The following TMEM230 variants were observed in gnomAD, a reference collection of about 807,000 sequenced individuals.
The protein encoded by TMEM230 is transmembrane protein 230.
A neutral mutation model predicts 15.8 loss-of-function variants in TMEM230; 10 were observed. The ratio of observed to expected loss-of-function variants is 0.63; its 90% CI spans 0.39 to 1.07. The LOEUF (loss-of-function observed/expected upper bound fraction) is 1.07. Ranked by LOEUF, TMEM230 falls within the 50% of genes least tolerant of loss-of-function variation. TMEM230 has a pLI of 0.01. For missense variants in TMEM230, 165 were observed against 193.3 expected, an observed-to-expected ratio of 0.85 and a Z score of 0.87; for synonymous variants, 67 against 76.9, an observed-to-expected ratio of 0.87 and a Z score of 0.68.
At chr20:5,098,064 G>A (rs2089719192), downstream of TMEM230, among the ~76,000 whole-genome samples, 1 of 135,372 alleles carries the variant, frequency 7.4e-6, no homozygotes, top group Admixed American at 9.0e-5. Flanking sequence ...CGCAACCTTA[G>A]CCTGCCGGGT....
At chr20:5,084,050 T>C (rs143809097) in intron 3 of TMEM230, among the ~76,000 whole-genome samples, 264 of 152,240 alleles carry the variant, frequency 1.7e-3, no homozygotes, top group African/African-American at 5.9e-3. Context: ...ACTGTTCCCT[T>C]CTTTGTACCC....
chr20:5,100,102 A>C lies in TMEM230; in HGVS notation c.*689T>G. The C allele has an allele frequency of 1.0e-6, 1 of 985,444 alleles. No homozygotes were observed. The highest frequency in any genetic ancestry group is 1.2e-6 in the Non-Finnish European group (1 of 829,940). The allele number at this position is 985,444 out of a possible 1,614,324, so 61.0% of individuals were successfully genotyped here. A position where few individuals can be genotyped will look rare whatever the true frequency, so the allele number is the denominator to read the frequency against. On this transcript the variant is annotated 3_prime_UTR_variant, in exon 5 of 5. Transcript: ENST00000342308. Reference sequence around the variant, plus strand: ...GAAACAGCCAAAAGTCCGGCCGTTAAAGGAATAATCTGCAGAACATCTTGA... The same window carrying C: ...GAAACAGCCAAAAGTCCGGCCGTTACAGGAATAATCTGCAGAACATCTTGA...
rs774664710 is a variant in TMEM230 at position 5,094,704 on chromosome 20, C to CAA, written c.222+11482_222+11483dup. Among the ~76,000 whole-genome samples the CAA allele has an allele frequency of 6.7e-4, 41 of 61,558 alleles. 2 individuals carry two copies. The South Asian group carries it at 7.1e-3, about 11-fold the overall frequency. The allele number at this position is 61,558 out of a possible 152,430, so 40.4% of individuals were successfully genotyped here. ...CCTGGGACAGAGCTAGACTCCATCT[C>CAA]AAAAAAAAAAAAAAAAAAAAAAAAT... On this transcript the variant is annotated intron_variant, in intron 3 of 3. Coordinates refer to the TMEM230 transcript ENST00000612323.
intron 2 of TMEM230, among the ~76,000 whole-genome samples, chr20:5,110,720 A>G (rs2090278241): frequency 6.6e-6 from 1 of 152,226 alleles, no homozygotes; most frequent in African/African-American, 2.4e-5. Context: ...ATATGGTATA[A>G]TATCTTACAA....
chr20:5,061,590 TG>T, the TMEM230 span, among the ~76,000 whole-genome samples: 3 of 152,252 alleles, frequency 2.0e-5, no homozygotes, highest in African/African-American at 7.2e-5. Context: ...GCTCTGTCCT[TG>T]CTCCTGTCCT....
chr20:5,089,075 C>A (rs949358998), intron 3 of TMEM230, among the ~76,000 whole-genome samples: 7 of 152,128 alleles, frequency 4.6e-5, no homozygotes, highest in Non-Finnish European at 1.0e-4. Context: ...ACATTAAAAC[C>A]ATGATAGCAA....
At chr20:5,095,448 C>T (rs1160662943), downstream of TMEM230, among the ~76,000 whole-genome samples, 1 of 152,212 alleles carries the variant, frequency 6.6e-6, no homozygotes, top group African/African-American at 2.4e-5. Flanking sequence ...CGATTTCTCA[C>T]TGATCACAAA....
intron 3 of TMEM230, among the ~76,000 whole-genome samples, chr20:5,076,980 T>C (rs1406490450): frequency 2.7e-5 from 4 of 148,474 alleles, no homozygotes; most frequent in African/African-American, 4.9e-5. Context: ...GCCCAGTCAA[T>C]TGATATTCTT....
downstream of TMEM230, among the ~76,000 whole-genome samples, chr20:5,064,405 C>T (rs2088632517): frequency 6.6e-6 from 1 of 150,826 alleles, no homozygotes; most frequent in African/African-American, 2.5e-5. Context: ...GGAGAAACCC[C>T]ATCTCTATTA....
intron 3 of TMEM230, among the ~76,000 whole-genome samples, chr20:5,108,367 C>T (rs984004663): frequency 2.7e-5 from 4 of 149,032 alleles, no homozygotes; most frequent in Non-Finnish European, 4.4e-5. Flanking sequence ...TGCAGTGAGC[C>T]GAGGTTGTGC....
downstream of TMEM230, chr20:5,098,430 C>T (rs1208255314): frequency 6.6e-6 from 1 of 152,140 alleles, no homozygotes; most frequent in Non-Finnish European, 1.5e-5. Flanking sequence ...GATTAGCTTC[C>T]AAGATCAGAT....
chr20:5,065,234 A>G (rs2088640480), downstream of TMEM230, among the ~76,000 whole-genome samples: 1 of 151,978 alleles, frequency 6.6e-6, no homozygotes. Context: ...CCTAGGCAAC[A>G]TGGCAAGACC....
chr20:5,071,551 C>A (rs754858307), intron 3 of TMEM230, among the ~76,000 whole-genome samples: 6 of 148,728 alleles, frequency 4.0e-5, no homozygotes. Context: ...TGAACCCGGA[C>A]GGCGGAGGTT....
intron 2 of TMEM230, 72 bp from the exon 2 acceptor site, chr20:5,109,517 GATT>G (rs1236480830): frequency 1.6e-5 from 19 of 1,168,430 alleles, no homozygotes; most frequent in Admixed American, 4.0e-5. Flanking sequence ...ATGAGTTCAG[GATT>G]ATTAGATGCT....
At chr20:5,065,575 G>A (rs796797392), downstream of TMEM230, among the ~76,000 whole-genome samples, 13 of 152,204 alleles carry the variant, frequency 8.5e-5, no homozygotes, top group African/African-American at 3.1e-4. Context: ...CTTGCAGGAA[G>A]CCAGGGGGCC....
Position 5,100,831 on chromosome 20 carries a change from C to T in TMEM230, c.512G>A (p.Arg171His), listed in dbSNP as rs11549113. Reference sequence around the variant, plus strand: ...TGGAATGTCATCATAGGAGTAACCACGGTAGCCTTTGGATGCATAGTAAGC... The same window carrying T: ...TGGAATGTCATCATAGGAGTAACCATGGTAGCCTTTGGATGCATAGTAAGC... Residue 171 changes from arginine (R) to histidine (H), a missense_variant, in exon 5 of 5, where the codon CGT becomes CAT. Coordinates refer to ENST00000342308, the MANE Select transcript of TMEM230 (RefSeq NM_001009923.2). 28 of 1,613,982 alleles carry T rather than the reference C, an allele frequency of 1.7e-5. No homozygotes were observed. The highest frequency in any genetic ancestry group is 1.2e-4 in the South Asian group (11 of 91,084).
At chr20:5,112,602 T>C in intron 1 of TMEM230, 1 of 966,334 alleles carries the variant, frequency 1.0e-6, no homozygotes, top group East Asian at 4.6e-5. Flanking sequence ...TCAGTCTTCG[T>C]TGCCAACAGG....
chr20:5,085,249 C>T (rs1204729046), intron 3 of TMEM230, among the ~76,000 whole-genome samples: 1 of 151,790 alleles, frequency 6.6e-6, no homozygotes, highest in African/African-American at 2.4e-5. Context: ...TTCTCCTGTT[C>T]CATTTTTTTT....
chr20:5,060,477 C>T, the TMEM230 span, among the ~76,000 whole-genome samples: 13 of 151,732 alleles, frequency 8.6e-5, no homozygotes, highest in East Asian at 9.7e-4. Flanking sequence ...GCTGGGATTA[C>T]GGGAATAGAC....
Sources: gnomAD v4.1 joint callset for allele counts (sites outside exome capture counted in the v4.1 genomes callset) on GRCh38, gnomAD v4.1.1 for gene constraint, MANE v1.5 for transcripts, NCBI Gene and HGNC (gene_info 2026-07-23, HGNC 2026-07-21) for gene names.